The following PAPSS1 variants were observed in gnomAD, a reference collection of about 807,000 sequenced individuals.
PAPSS1 encodes the protein bifunctional 3'-phosphoadenosine 5'-phosphosulfate synthase 1.
Under a neutral mutation model 72.0 loss-of-function variants are expected in PAPSS1, and 50 were observed. The ratio of observed to expected loss-of-function variants is 0.69; its 90% CI spans 0.55 to 0.88. The LOEUF is 0.88. PAPSS1 is among the 40% of genes least tolerant of loss of function. The pLI is 0.00. For synonymous variants in PAPSS1, 261 were observed against 263.6 expected, an observed-to-expected ratio of 0.99 and a Z score of 0.09; for missense variants, 657 against 782.2, an observed-to-expected ratio of 0.84 and a Z score of 1.91.
chr4:107,675,220 C>A (rs190619256), intron 5 of PAPSS1, among the ~76,000 whole-genome samples: 2 of 152,234 alleles, frequency 1.3e-5, no homozygotes, highest in African/African-American at 4.8e-5. Flanking sequence ...ACAAAAAACT[C>A]TTCAAAAAAA....
intron 11 of PAPSS1, among the ~76,000 whole-genome samples, chr4:107,617,060 C>T (rs988649214): frequency 3.9e-5 from 6 of 152,064 alleles, no homozygotes; most frequent in African/African-American, 1.4e-4. Flanking sequence ...TATCCACTCA[C>T]TAGGGTGGGC....
At chr4:107,652,647 AAATG>A (rs1254475629) in intron 9 of PAPSS1, among the ~76,000 whole-genome samples, 1 of 152,198 alleles carries the variant, frequency 6.6e-6, no homozygotes, top group Non-Finnish European at 1.5e-5. Flanking sequence ...AACATTTTTT[AAATG>A]AAGTGAACAT....
chr4:107,631,919 G>A, intron 10 of PAPSS1, 59 bp from the exon 11 acceptor site: 2 of 1,042,834 alleles, frequency 1.9e-6, no homozygotes, highest in Non-Finnish European at 2.8e-6. Context: ...CTTAGAAATA[G>A]TAAGTGGATA....
intron 1 of PAPSS1, among the ~76,000 whole-genome samples, chr4:107,704,744 G>A (rs1340238387): frequency 6.6e-6 from 1 of 151,966 alleles, no homozygotes; most frequent in Non-Finnish European, 1.5e-5. Context: ...TGAGGTCAGG[G>A]GTTTGAGACC....
chr4:107,655,118 A>AT (rs1488785019), intron 7 of PAPSS1, among the ~76,000 whole-genome samples: 1 of 152,002 alleles, frequency 6.6e-6, no homozygotes, highest in Non-Finnish European at 1.5e-5. Context: ...AAAAAAAAAA[A>AT]AAAAAGGAAA....
chr4:107,636,966 T>C (rs1233099681), intron 10 of PAPSS1, among the ~76,000 whole-genome samples: 2 of 152,222 alleles, frequency 1.3e-5, no homozygotes, highest in African/African-American at 2.4e-5. Flanking sequence ...GTTTACTATC[T>C]AATAGTGAGA....
At chr4:107,675,536 A>G (rs1390374713) in intron 5 of PAPSS1, among the ~76,000 whole-genome samples, 1 of 152,212 alleles carries the variant, frequency 6.6e-6, no homozygotes, top group Non-Finnish European at 1.5e-5. Context: ...AATTGAGGCA[A>G]TAATTAATAA....
intron 5 of PAPSS1, among the ~76,000 whole-genome samples, chr4:107,675,365 C>T (rs1207871994): frequency 6.6e-6 from 1 of 152,082 alleles, no homozygotes; most frequent in Non-Finnish European, 1.5e-5. Flanking sequence ...CACCCCCGAT[C>T]CCACAGAAAT....
At chr4:107,693,638 A>G in intron 3 of PAPSS1, 133 bp downstream of exon 3, 1 of 641,842 alleles carries the variant, frequency 1.6e-6, no homozygotes, top group South Asian at 1.9e-5. Context: ...ATGTTACAGG[A>G]ACAAAGAGAT....
intron 10 of PAPSS1, among the ~76,000 whole-genome samples, chr4:107,632,062 T>C (rs1250699276): frequency 6.6e-6 from 1 of 152,128 alleles, no homozygotes; most frequent in Non-Finnish European, 1.5e-5. Context: ...ATTAAAAGCA[T>C]ATATCCACAA....
At chr4:107,704,278 G>A (rs1026474370) in intron 1 of PAPSS1, among the ~76,000 whole-genome samples, 3 of 152,072 alleles carry the variant, frequency 2.0e-5, no homozygotes, top group African/African-American at 4.8e-5. Context: ...TTAAAACCAC[G>A]TCATCTGCAA....
intron 11 of PAPSS1, 62 bp from the exon 12 acceptor site, chr4:107,614,449 C>A: frequency 1.5e-6 from 2 of 1,330,420 alleles, no homozygotes; most frequent in Non-Finnish European, 2.1e-6. Flanking sequence ...TTTTAAAAAG[C>A]ATTTGTTCCT....
intron 1 of PAPSS1, among the ~76,000 whole-genome samples, chr4:107,707,838 T>A (rs1723378472): frequency 6.6e-6 from 1 of 152,236 alleles, no homozygotes; most frequent in Non-Finnish European, 1.5e-5. Context: ...GTCATTTTGC[T>A]GACCTCCACC....
intron 4 of PAPSS1, among the ~76,000 whole-genome samples, chr4:107,685,757 AG>A (rs1157410873): frequency 1.3e-5 from 2 of 152,214 alleles, no homozygotes; most frequent in African/African-American, 4.8e-5. Flanking sequence ...AAGCATTCCC[AG>A]GTTCAAATAC....
At chr4:107,646,222 T>C (rs987122135) in intron 9 of PAPSS1, among the ~76,000 whole-genome samples, 1 of 152,026 alleles carries the variant, frequency 6.6e-6, no homozygotes, top group African/African-American at 2.4e-5. Flanking sequence ...CTTCTCAATG[T>C]ACTTCAAATT....
Position 107,614,357 on chromosome 4 carries a change from T to C in PAPSS1, c.1767A>G (p.Thr589=), listed in dbSNP as rs1309896395. 1.2e-6 allele frequency: 2 copies of C among 1,613,870 alleles called. No homozygotes were observed. The highest frequency in any genetic ancestry group is 2.2e-5 in the East Asian group (1 of 44,858). The change falls in exon 12 of 12, where the codon ACA becomes ACG. Residue 589 remains threonine, a synonymous_variant. Transcript: ENST00000265174. ...HHEDFEFISG[T]RMRKLAREGQ... is the part of the protein sequence containing the mutation. ...CTTCTCGAGCAAGTTTGCGCATTCG[T>C]GTTCCTGAAATAAATTCAAAGTCTT...
chr4:107,682,232 G>A (rs557232919), intron 4 of PAPSS1, 99 bp from the exon 5 acceptor site: 7 of 573,834 alleles, frequency 1.2e-5, no homozygotes, highest in East Asian at 5.8e-5. Flanking sequence ...TAGTATCTGC[G>A]CTGTCCCCCA....
intron 5 of PAPSS1, among the ~76,000 whole-genome samples, chr4:107,674,497 T>C (rs141647905): frequency 1.3e-4 from 20 of 152,208 alleles, no homozygotes; most frequent in African/African-American, 4.6e-4. Context: ...CCTAAATATA[T>C]ATTCAACCAA....
intron 1 of PAPSS1, among the ~76,000 whole-genome samples, chr4:107,709,966 A>G (rs1414695586): frequency 1.3e-5 from 2 of 152,208 alleles, no homozygotes; most frequent in Non-Finnish European, 2.9e-5. Context: ...AAATGAACGC[A>G]TTGGGTGGTT....
Sources: gnomAD v4.1 joint callset for allele counts (sites outside exome capture counted in the v4.1 genomes callset) on GRCh38, gnomAD v4.1.1 for gene constraint, MANE v1.5 for transcripts, NCBI Gene and HGNC (gene_info 2026-07-23, HGNC 2026-07-21) for gene names.